The following LSG1 variants were observed in gnomAD, a reference collection of about 807,000 sequenced individuals.
The protein encoded by LSG1 is large subunit GTPase 1 homolog.
LSG1 carries 55 observed loss-of-function variants against 82.6 expected under a neutral mutation model. The ratio of observed to expected loss-of-function variants is 0.67; its 90% CI spans 0.54 to 0.83. The LOEUF (loss-of-function observed/expected upper bound fraction) is 0.83, where lower values mean the gene tolerates loss of function less well. LSG1 is among the 40% of genes least tolerant of loss of function. LSG1 has a pLI of 0.00. For missense variants in LSG1, 809 were observed against 807.9 expected (o/e 1.00, Z -0.02); for synonymous variants, 272 against 282.5 (o/e 0.96, Z 0.37).
At chr3:194,667,950 T>A (rs541390479) in intron 2 of LSG1, among the ~76,000 whole-genome samples, 11,289 of 60,394 alleles carry the variant, frequency 0.19, 1,146 homozygotes, top group African/African-American at 0.34. Flanking sequence ...AAAATATATA[T>A]ATATATATAT....
rs573695132 is a variant in LSG1 at position 194,656,785 on chromosome 3, T to G, written c.759+2172A>C. Among the ~76,000 whole-genome samples, 457 of 152,214 alleles carry G rather than the reference T, an allele frequency of 3.0e-3. 3 individuals carry two copies. The highest frequency in any genetic ancestry group is 9.7e-3 in the African/African-American group (402 of 41,536). On this transcript the variant is annotated intron_variant, in intron 7 of 13. Coordinates refer to ENST00000265245, the MANE Select transcript of LSG1 (RefSeq NM_018385.3). Reference sequence around the variant, plus strand: ...AATGATAGACTGGATTAAGAAAATGTGGCACATATACACCATGGAATACTA... The same window carrying G: ...AATGATAGACTGGATTAAGAAAATGGGGCACATATACACCATGGAATACTA...
At chr3:194,651,305 A>G in intron 8 of LSG1, 89 bp from the exon 9 acceptor site, 1 of 854,220 alleles carries the variant, frequency 1.2e-6, no homozygotes. Context: ...CAAGACTAGC[A>G]TAAGCATCTG....
Position 194,652,812 on chromosome 3 carries a change from C to T in LSG1, c.1090G>A (p.Val364Ile). Residue 364 changes from valine (V) to isoleucine (I), a missense_variant, in exon 8 of 14, where the codon GTA becomes ATA. Coordinates refer to ENST00000265245, the MANE Select transcript of LSG1 (RefSeq NM_018385.3). ...KRQIHNFSHL[V>I]SKQELLELFK... ...AGCTCCAGTAACTCCTGCTTGGATA[C>T]CAGATGGCTAAAATTGTGTATCTGC... The T allele has an allele frequency of 3.1e-6, 5 of 1,614,198 alleles. No homozygotes were observed. The highest frequency in any genetic ancestry group is 4.2e-6 in the Non-Finnish European group (5 of 1,180,050).
chr3:194,668,219 C>T (rs535181088), intron 2 of LSG1, among the ~76,000 whole-genome samples: 2 of 152,042 alleles, frequency 1.3e-5, no homozygotes, highest in South Asian at 2.1e-4. Context: ...TTGGTGATTA[C>T]GAATAATGCT....
intron 7 of LSG1, among the ~76,000 whole-genome samples, chr3:194,656,450 A>G (rs1305962917): frequency 1.3e-5 from 2 of 152,194 alleles, no homozygotes; most frequent in African/African-American, 4.8e-5. Flanking sequence ...ACAATGAGAT[A>G]CCATCTCACA....
At chr3:194,656,767 G>C (rs1422975782) in intron 7 of LSG1, among the ~76,000 whole-genome samples, 1 of 152,040 alleles carries the variant, frequency 6.6e-6, no homozygotes, top group African/African-American at 2.4e-5. Flanking sequence ...AACAATGATA[G>C]ACTGGATTAA....
chr3:194,658,764 C>T (rs1718858683), intron 7 of LSG1, among the ~76,000 whole-genome samples, 193 bp downstream of exon 7: 1 of 152,172 alleles, frequency 6.6e-6, no homozygotes, highest in Non-Finnish European at 1.5e-5. Context: ...CTGGAGAGGT[C>T]AGACTGTCCA....
intron 11 of LSG1, 39 bp from the exon 12 acceptor site, chr3:194,646,282 A>G: frequency 6.6e-7 from 1 of 1,506,686 alleles, no homozygotes. Flanking sequence ...CTTAGATGAC[A>G]GAATATCACA....
At chr3:194,651,842 G>T (rs960115486) in intron 8 of LSG1, among the ~76,000 whole-genome samples, 1 of 152,200 alleles carries the variant, frequency 6.6e-6, no homozygotes, top group African/African-American at 2.4e-5. Context: ...CTTTCCCCGT[G>T]TTCCTAACAA....
At position 194,642,087 on chromosome 3, in the gene LSG1, T is replaced by C. The variant is rs768944008; in HGVS notation, c.1958A>G (p.Tyr653Cys). ...RNKKEKSRRL[Y>C]KHLDM ...CCAACCTCACATATCCAGGTGCTTG[T>C]AGAGTCTACGACTTTTTTCTTTTTT... is the stretch of plus-strand genomic sequence containing the variant. The change falls in exon 14 of 14, where the codon TAC becomes TGC. Residue 653 changes from tyrosine to cysteine, a missense_variant. Tyr to Cys is a radical substitution (Grantham distance 194, BLOSUM62 -2). Transcript: ENST00000265245. 9.3e-6 allele frequency: 15 copies of C among 1,612,616 alleles called. No individual in the cohort carries two copies. Among genetic ancestry groups the C allele is most frequent in the South Asian group, 7.7e-5 (7 of 91,032 alleles).
intron 5 of LSG1, among the ~76,000 whole-genome samples, chr3:194,665,149 A>G (rs1298173085): frequency 6.6e-6 from 1 of 152,174 alleles, no homozygotes; most frequent in Non-Finnish European, 1.5e-5. Context: ...TGCTTTGCTT[A>G]GCATTTAGCT....
intron 8 of LSG1, among the ~76,000 whole-genome samples, chr3:194,651,926 A>C (rs909181602): frequency 5.3e-5 from 8 of 152,184 alleles, no homozygotes; most frequent in Non-Finnish European, 1.0e-4. Context: ...TAACTACTGC[A>C]CTAAAATAAG....
At chr3:194,661,496 G>A (rs989104374) in intron 5 of LSG1, among the ~76,000 whole-genome samples, 1 of 152,216 alleles carries the variant, frequency 6.6e-6, no homozygotes, top group African/African-American at 2.4e-5. Context: ...CATGTAGCAG[G>A]AGGGGTCTAC....
intron 10 of LSG1, among the ~76,000 whole-genome samples, chr3:194,649,436 C>A (rs1467307320): frequency 6.6e-6 from 1 of 151,552 alleles, no homozygotes; most frequent in Non-Finnish European, 1.5e-5. Context: ...GTAATCCCAG[C>A]ATTTTGGGAG....
intron 2 of LSG1, among the ~76,000 whole-genome samples, chr3:194,668,018 A>T (rs1169140662): frequency 5.4e-5 from 8 of 149,368 alleles, no homozygotes; most frequent in African/African-American, 2.0e-4. Flanking sequence ...CCACTAAAGC[A>T]TACAATTCAA....
chr3:194,656,050 A>G (rs1431655644), intron 7 of LSG1, among the ~76,000 whole-genome samples: 2 of 152,160 alleles, frequency 1.3e-5, no homozygotes, highest in Non-Finnish European at 2.9e-5. Flanking sequence ...TAAAAACCCT[A>G]GAAGAAAACC....
At chr3:194,663,159 G>A in intron 5 of LSG1, among the ~76,000 whole-genome samples, 1 of 152,208 alleles carries the variant, frequency 6.6e-6, no homozygotes, top group East Asian at 1.9e-4. Flanking sequence ...TTCTGCACTT[G>A]TTACCATTTC....
intron 5 of LSG1, among the ~76,000 whole-genome samples, chr3:194,662,255 A>G (rs910548530): frequency 6.6e-6 from 1 of 152,182 alleles, no homozygotes; most frequent in Non-Finnish European, 1.5e-5. Context: ...CCCCACCCCA[A>G]TAGCAGAAGG....
At chr3:194,671,800 C>T (rs1460465458) in intron 1 of LSG1, 2 of 513,376 alleles carry the variant, frequency 3.9e-6, no homozygotes, top group Non-Finnish European at 6.8e-6. Context: ...CCCAAACGTA[C>T]TCAAGACCTG....
Sources: allele counts gnomAD v4.1 joint callset (sites outside exome capture counted in the v4.1 genomes callset), GRCh38; gene constraint gnomAD v4.1.1; transcripts MANE v1.5; gene names NCBI Gene and HGNC (gene_info 2026-07-23, HGNC 2026-07-21).